The following PNISR variants were observed in gnomAD, a reference collection of about 807,000 sequenced individuals.
The protein encoded by PNISR is PNN interacting serine and arginine rich protein, also known as arginine/serine-rich protein PNISR.
In PNISR, 20 loss-of-function variants were observed where a neutral mutation model predicts 93.4. The ratio of observed to expected loss-of-function variants is 0.21; its 90% confidence interval spans 0.15 to 0.31. PNISR has a LOEUF of 0.31. Among genes scored for constraint, PNISR ranks in the 10% least tolerant of loss-of-function variants. PNISR has a pLI of 1.00. For missense variants in PNISR, 893 were observed against 985.4 expected (o/e 0.91, Z 1.25); for synonymous variants, 305 against 306.5 (o/e 0.99, Z 0.05).
At position 99,410,845 on chromosome 6, in the gene PNISR, C is replaced by A; in HGVS notation, c.397G>T (p.Glu133Ter). 6.2e-7 allele frequency: 1 copy of A among 1,614,032 alleles called. No individual in the cohort carries two copies. Among genetic ancestry groups the A allele is most frequent in the Non-Finnish European group, 8.5e-7 (1 of 1,179,958 alleles). The change falls in exon 5 of 12, where the codon GAA becomes TAA. Residue 133 changes from glutamate (E) to a stop codon, truncating the protein, a stop_gained. Coordinates refer to ENST00000369239, the MANE Select transcript of PNISR (RefSeq NM_032870.4). LOFTEE classifies it high-confidence loss of function. ...ATATGCCTGTTGTCAGGGGCAAATT[C>A]CCCACTGTCCTGACTGTTGCTGTCT... ...SEDSNSQDSG[E>*]FAPDNRHIFN...
intron 11 of PNISR, 23 bp downstream of exon 11, chr6:99,402,517 T>C (rs755692562): frequency 1.3e-6 from 2 of 1,490,126 alleles, no homozygotes; most frequent in South Asian, 2.8e-5. Flanking sequence ...GGACCAAAAT[T>C]AAGTCTAAAA....
At chr6:99,407,980 A>T in intron 7 of PNISR, 101 bp downstream of exon 7, 1 of 788,070 alleles carries the variant, frequency 1.3e-6, no homozygotes, top group Non-Finnish European at 2.1e-6. Context: ...TCTTAGGAAC[A>T]TCACTCTAAT....
At chr6:99,410,489 GC>G in intron 5 of PNISR, 1 of 457,524 alleles carries the variant, frequency 2.2e-6, no homozygotes, top group Non-Finnish European at 3.9e-6. Flanking sequence ...TATAGCTATT[GC>G]ACTTATACAT....
rs900742561 is a variant in PNISR at position 99,401,396 on chromosome 6, T to C, written c.1562A>G (p.Asn521Ser). Residue 521 changes from asparagine to serine, a missense_variant, in exon 12 of 12, where the codon AAT (asparagine) becomes AGT (serine). Transcript: ENST00000369239. ...GSSSSGSSSSNSRTSSTSSTV... is the reference protein window; with the variant it reads ...GSSSSGSSSSSSRTSSTSSTV... Reference sequence around the variant, plus strand: ...ACTACTAGTACTACTAGTTCTGCTATTGCTACTGGAACTACCACTACTAGA... The same window carrying C: ...ACTACTAGTACTACTAGTTCTGCTACTGCTACTGGAACTACCACTACTAGA... The C allele has an allele frequency of 1.1e-5, 17 of 1,603,502 alleles. No homozygotes were observed. Among genetic ancestry groups the C allele is most frequent in the Non-Finnish European group, 1.5e-5 (17 of 1,170,902 alleles).
At chr6:99,410,629 T>C (rs952465218) in intron 5 of PNISR, 112 bp downstream of exon 5, 24 of 690,654 alleles carry the variant, frequency 3.5e-5, no homozygotes, top group Non-Finnish European at 5.0e-5. Flanking sequence ...AATGTGCTTA[T>C]TTATACAAGT....
At chr6:99,404,287 C>A in intron 9 of PNISR, 1 of 391,320 alleles carries the variant, frequency 2.6e-6, no homozygotes, top group Non-Finnish European at 4.7e-6. Context: ...TAAACTGTAT[C>A]AGAAGTCACA....
Position 99,399,776 on chromosome 6 carries a change from C to T in PNISR, c.*764G>A, listed in dbSNP as rs1042892334. On this transcript the variant is annotated 3_prime_UTR_variant, in exon 12 of 12. Coordinates refer to ENST00000369239, the MANE Select transcript of PNISR (RefSeq NM_032870.4). ...GTCTATTTCTAGCCCTCTTTCATAC[C>T]CTTAAAGTTGGAATCTGGCAAAAGT... 2.6e-5 allele frequency: 4 copies of T among 152,064 alleles called. No homozygotes were observed. Among genetic ancestry groups the T allele is most frequent in the African/African-American group, 9.7e-5 (4 of 41,410 alleles). 9.4% of individuals were successfully genotyped at this position (152,064 alleles called of 1,614,324 possible). A position where few individuals can be genotyped will look rare whatever the true frequency, so the allele number is the denominator to read the frequency against.
intron 8 of PNISR, among the ~76,000 whole-genome samples, chr6:99,405,582 C>T (rs1363666319): frequency 1.3e-5 from 2 of 151,580 alleles, no homozygotes; most frequent in Non-Finnish European, 2.9e-5. Flanking sequence ...CTTTTTTTTC[C>T]GAGACAGGGT....
chr6:99,406,915 A>G (rs1442800436), intron 7 of PNISR, among the ~76,000 whole-genome samples: 1 of 152,202 alleles, frequency 6.6e-6, no homozygotes, highest in East Asian at 1.9e-4. Flanking sequence ...GGGGAAAAAT[A>G]TATGTAACAC....
chr6:99,419,339 G>A (rs1180582659), intron 1 of PNISR, among the ~76,000 whole-genome samples: 2 of 151,864 alleles, frequency 1.3e-5, no homozygotes, highest in African/African-American at 2.4e-5. Flanking sequence ...TAAACATCTG[G>A]TTTCAGTGAC....
Position 99,403,851 on chromosome 6 carries a change from T to C in PNISR, c.1134A>G (p.Ala378=). The change falls in exon 10 of 12, where the codon GCA becomes GCG. Residue 378 remains alanine, a synonymous_variant. Coordinates refer to ENST00000369239, the MANE Select transcript of PNISR (RefSeq NM_032870.4). ...APAKQLAQSS[A]LASLTGLGGL... ...TACCGAGTCCAGTGAGGGAAGCCAGTGCACTGGACTGTGCCAGCTGTTTTG... is the reference window on the plus strand; with the variant it reads ...TACCGAGTCCAGTGAGGGAAGCCAGCGCACTGGACTGTGCCAGCTGTTTTG... 2 of 1,613,474 alleles carry C rather than the reference T, an allele frequency of 1.2e-6. No homozygotes were observed. The highest frequency in any genetic ancestry group is 2.2e-5 in the East Asian group (1 of 44,848).
At chr6:99,416,598 A>C (rs1320814834) in intron 1 of PNISR, among the ~76,000 whole-genome samples, 170 bp from the exon 2 acceptor site, 1 of 152,244 alleles carries the variant, frequency 6.6e-6, no homozygotes, top group African/African-American at 2.4e-5. Context: ...AAAGAGATAC[A>C]CCAGAAATGA....
At chr6:99,405,247 C>G (rs1483886109) in intron 8 of PNISR, among the ~76,000 whole-genome samples, 1 of 152,040 alleles carries the variant, frequency 6.6e-6, no homozygotes, top group Non-Finnish European at 1.5e-5. Context: ...GGCGGATCAC[C>G]TGAGGTCAGG....
chr6:99,404,223 A>G (rs1775859528), intron 9 of PNISR: 7 of 371,000 alleles, frequency 1.9e-5, no homozygotes, highest in South Asian at 1.5e-4. Context: ...TCTGTAAGAG[A>G]TAAGTGGTAA....
chr6:99,401,326 A>G lies in PNISR; in HGVS notation c.1632T>C (p.Arg544=). ...SSYSSSSGSS[R]TSSRSSSPKR... ...TAGGAGAAGAAGACCGAGAAGAAGT[A>G]CGACTACTACCTGAGCTAGAACTGT... Residue 544 remains arginine (R), a synonymous_variant, in exon 12 of 12, where the codon CGT becomes CGC. Coordinates refer to ENST00000369239, the MANE Select transcript of PNISR (RefSeq NM_032870.4). The G allele has an allele frequency of 3.7e-6, 6 of 1,614,094 alleles. No individual in the cohort carries two copies. Among genetic ancestry groups the G allele is most frequent in the Non-Finnish European group, 5.1e-6 (6 of 1,179,976 alleles).
chr6:99,424,348 G>C (rs1779124551), intron 1 of PNISR, among the ~76,000 whole-genome samples: 1 of 152,028 alleles, frequency 6.6e-6, no homozygotes, highest in African/African-American at 2.4e-5. Flanking sequence ...GTGTGTAGTG[G>C]GGACGTCGTA....
intron 1 of PNISR, 67 bp downstream of exon 1, chr6:99,425,148 C>T (rs1779332961): frequency 9.2e-7 from 1 of 1,092,544 alleles, no homozygotes. Flanking sequence ...GCTACCTTCG[C>T]CACAGAAACC....
In PNISR at chr6:99,425,279, G is replaced by A. The variant is rs754694088; in HGVS notation, c.-176C>T. On this transcript the variant is annotated 5_prime_UTR_variant, in exon 1 of 12. Coordinates refer to ENST00000369239, the MANE Select transcript of PNISR (RefSeq NM_032870.4). ...GTAACACCTCTCCAACGCTTTCGAT[G>A]CTTCTACTTCTTCGGGAACAAGACA... 1.3e-5 allele frequency: 16 copies of A among 1,232,124 alleles called. No homozygotes were observed. The highest frequency in any genetic ancestry group is 1.5e-5 in the Non-Finnish European group (15 of 987,914). 76.3% of individuals were successfully genotyped at this position (1,232,124 alleles called of 1,614,324 possible). A position where few individuals can be genotyped will look rare whatever the true frequency, so the allele number is the denominator to read the frequency against.
At chr6:99,417,010 C>T (rs561453409) in intron 1 of PNISR, among the ~76,000 whole-genome samples, 2 of 152,292 alleles carry the variant, frequency 1.3e-5, no homozygotes, top group African/African-American at 4.8e-5. Flanking sequence ...CTAGCTATTA[C>T]TTTCTGTTTA....
Sources: gnomAD v4.1 joint callset for allele counts (sites outside exome capture counted in the v4.1 genomes callset) on GRCh38, gnomAD v4.1.1 for gene constraint, MANE v1.5 for transcripts, NCBI Gene and HGNC (gene_info 2026-07-23, HGNC 2026-07-21) for gene names.